VTA1: variants seen among roughly 807,000 people sequenced by gnomAD.
VTA1 encodes the protein vacuolar protein sorting-associated protein VTA1 homolog.
VTA1 carries 24 observed loss-of-function variants against 36.9 expected under a neutral mutation model. That is an observed-to-expected ratio of 0.65 (90% CI 0.47 to 0.91). The LOEUF (loss-of-function observed/expected upper bound fraction) is 0.91, where lower values mean the gene tolerates loss of function less well. Among genes scored for constraint, VTA1 ranks in the 40% least tolerant of loss-of-function variants. VTA1 has a pLI of 0.00. For missense variants in VTA1, 393 were observed against 377.2 expected, an observed-to-expected ratio of 1.04 and a Z score of -0.35; for synonymous variants, 142 against 130.2, an observed-to-expected ratio of 1.09 and a Z score of -0.62.
rs1174087241 is a variant in VTA1, at chr6:142,198,423, A to G, written c.521-16A>G. The G allele has an allele frequency of 6.2e-7, 1 of 1,613,144 alleles. No individual in the cohort carries two copies. ...CAAAATACCTACTGTAACATTGTGTATATGTGATCTGATAGATATTGAAGA... is the reference window on the plus strand; with the variant it reads ...CAAAATACCTACTGTAACATTGTGTGTATGTGATCTGATAGATATTGAAGA... On this transcript the variant is annotated splice_polypyrimidine_tract_variant and intron_variant, in intron 5 of 7. Transcript: ENST00000367630.
chr6:142,212,319 G>A (rs1353252255), intron 7 of VTA1, among the ~76,000 whole-genome samples: 1 of 152,096 alleles, frequency 6.6e-6, no homozygotes, highest in Non-Finnish European at 1.5e-5. Context: ...CTAGACAATG[G>A]GATATTATTC....
intron 4 of VTA1, among the ~76,000 whole-genome samples, chr6:142,173,659 A>G (rs1018023205): frequency 2.0e-5 from 3 of 152,264 alleles, no homozygotes; most frequent in Admixed American, 6.5e-5. Context: ...CAAAATTTCC[A>G]GAACTCTTAA....
intron 7 of VTA1, among the ~76,000 whole-genome samples, chr6:142,207,047 C>T (rs555430804): frequency 6.6e-6 from 1 of 152,130 alleles, no homozygotes; most frequent in Non-Finnish European, 1.5e-5. Context: ...CAACAGAAAA[C>T]GAAAAACAAA....
chr6:142,201,464 A>G (rs781024602), intron 6 of VTA1, among the ~76,000 whole-genome samples: 5 of 152,074 alleles, frequency 3.3e-5, no homozygotes, highest in South Asian at 4.1e-4. Flanking sequence ...AAACAGGCGA[A>G]GTGTTTGCTT....
At chr6:142,196,555 A>G (rs997256641) in intron 5 of VTA1, among the ~76,000 whole-genome samples, 28 of 152,026 alleles carry the variant, frequency 1.8e-4, no homozygotes, top group African/African-American at 6.8e-4. Flanking sequence ...CCTTTCTGTT[A>G]ATACCATCTG....
chr6:142,169,654 A>C lies in VTA1; in HGVS notation c.312A>C (p.Glu104Asp). ...ALKMFLYADN[E>D]DRAGRFHKNM... ...AAATGTTTTTGTATGCAGACAATGA[A>C]GATCGTGCTGGACGATTTCACAAGT... The change falls in exon 3 of 8, where the codon GAA becomes GAC. Residue 104 changes from glutamate (E) to aspartate (D), a missense_variant. Coordinates refer to ENST00000367630, the MANE Select transcript of VTA1 (RefSeq NM_016485.5). 1 of 1,605,168 alleles carries C rather than the reference A, an allele frequency of 6.2e-7. No individual in the cohort carries two copies. The highest frequency in any genetic ancestry group is 8.5e-7 in the Non-Finnish European group (1 of 1,177,772).
rs1420203796 is a variant in VTA1 at position 142,222,886 on chromosome 6, C to T, written c.*4243C>T. The T allele has an allele frequency of 6.6e-6, 1 of 152,110 alleles. No homozygotes were observed. The highest frequency in any genetic ancestry group is 2.4e-5 in the African/African-American group (1 of 41,408). The allele number at this position is 152,110 out of a possible 1,614,324, so 9.4% of individuals were successfully genotyped here. ...AATTCATTTAATCTTCACAGTGGTC[C>T]TGAGAGGTAGGCTTTATTTCTGTTT... On this transcript the variant is annotated 3_prime_UTR_variant, in exon 8 of 8. Transcript: ENST00000367630.
At chr6:142,213,055 G>T (rs1253188287) in intron 7 of VTA1, among the ~76,000 whole-genome samples, 2 of 152,134 alleles carry the variant, frequency 1.3e-5, no homozygotes, top group Non-Finnish European at 1.5e-5. Flanking sequence ...CAAGTTTATA[G>T]TCCAGACTCT....
chr6:142,154,830 T>A (rs1244112162), intron 1 of VTA1, among the ~76,000 whole-genome samples: 1 of 152,126 alleles, frequency 6.6e-6, no homozygotes, highest in Non-Finnish European at 1.5e-5. Flanking sequence ...TAATATATTA[T>A]AGTTACGTTA....
chr6:142,164,897 A>T (rs149192689), intron 1 of VTA1, among the ~76,000 whole-genome samples: 62 of 152,300 alleles, frequency 4.1e-4, no homozygotes, highest in African/African-American at 1.4e-3. Context: ...ACATCAGCAA[A>T]CCAAATAGAC....
chr6:142,199,663 T>C (rs1775641223), intron 6 of VTA1, among the ~76,000 whole-genome samples: 1 of 152,088 alleles, frequency 6.6e-6, no homozygotes, highest in South Asian at 2.1e-4. Flanking sequence ...GATTAGTGTC[T>C]TTCCTCCTAT....
chr6:142,168,561 T>C (rs1024226766), intron 2 of VTA1, among the ~76,000 whole-genome samples: 5 of 151,784 alleles, frequency 3.3e-5, no homozygotes, highest in African/African-American at 1.2e-4. Flanking sequence ...TTTAAATGCT[T>C]TAAATTATTG....
chr6:142,199,717 C>T (rs752246486), intron 6 of VTA1, among the ~76,000 whole-genome samples: 1 of 151,954 alleles, frequency 6.6e-6, no homozygotes, highest in Non-Finnish European at 1.5e-5. Flanking sequence ...ATATTGCTAA[C>T]GTTTTCTTTA....
intron 6 of VTA1, 184 bp downstream of exon 6, chr6:142,198,799 T>G (rs1460184269): frequency 5.8e-6 from 3 of 516,562 alleles, no homozygotes. Context: ...TGTATTCTAA[T>G]TATTTGAGAA....
chr6:142,210,627 T>C (rs1277997945), intron 7 of VTA1, among the ~76,000 whole-genome samples: 1 of 152,074 alleles, frequency 6.6e-6, no homozygotes, highest in Admixed American at 6.5e-5. Flanking sequence ...AGATCTAACA[T>C]TTCGTATATG....
At chr6:142,175,074 A>G (rs368086189) in intron 4 of VTA1, among the ~76,000 whole-genome samples, 2 of 152,196 alleles carry the variant, frequency 1.3e-5, no homozygotes, top group Non-Finnish European at 2.9e-5. Context: ...CTTCTGTGTG[A>G]TATCTGTACA....
intron 6 of VTA1, among the ~76,000 whole-genome samples, chr6:142,201,343 A>G (rs1229054567): frequency 6.6e-6 from 1 of 151,944 alleles, no homozygotes; most frequent in Non-Finnish European, 1.5e-5. Flanking sequence ...ACTTTTATCA[A>G]AGGGAAATCC....
At chr6:142,199,953 T>A (rs1253139603) in intron 6 of VTA1, among the ~76,000 whole-genome samples, 1 of 152,156 alleles carries the variant, frequency 6.6e-6, no homozygotes, top group Non-Finnish European at 1.5e-5. Context: ...TGAAACCAGC[T>A]ACTTAGATCT....
In VTA1 at chr6:142,222,536, G is replaced by T. The variant is rs1451280216; in HGVS notation, c.*3893G>T. 1 of 148,472 alleles carries T rather than the reference G, an allele frequency of 6.7e-6. No individual in the cohort carries two copies. The highest frequency in any genetic ancestry group is 2.5e-5 in the African/African-American group (1 of 40,626). 9.2% of individuals were successfully genotyped at this position (148,472 alleles called of 1,614,324 possible). A position where few individuals can be genotyped will look rare whatever the true frequency, so the allele number is the denominator to read the frequency against. ...ATATGACTTGTAATTCTAGAAATTT[G>T]AGAATTCTATGTATGCATTGAAAGA... On this transcript the variant is annotated 3_prime_UTR_variant, in exon 8 of 8. Coordinates refer to ENST00000367630, the MANE Select transcript of VTA1 (RefSeq NM_016485.5).
Sources: gnomAD v4.1 joint callset for allele counts (sites outside exome capture counted in the v4.1 genomes callset) on GRCh38, gnomAD v4.1.1 for gene constraint, MANE v1.5 for transcripts, NCBI Gene and HGNC (gene_info 2026-07-23, HGNC 2026-07-21) for gene names.